Variants in ELAC2 observed in about 807,000 individuals in gnomAD.
The protein encoded by ELAC2 is zinc phosphodiesterase ELAC protein 2.
A neutral mutation model predicts 105.2 loss-of-function variants in ELAC2; 92 were observed. The observed-to-expected ratio is 0.87, with a 90% CI of 0.74 to 1.04. The LOEUF is 1.04. Among genes scored for constraint, ELAC2 ranks in the 50% least tolerant of loss-of-function variants. ELAC2 has a pLI of 0.00. For synonymous variants in ELAC2, 468 were observed against 409.1 expected, an observed-to-expected ratio of 1.14 and a Z score of -1.74; for missense variants, 1,099 against 1,071.7, an observed-to-expected ratio of 1.03 and a Z score of -0.36.
intron 12 of ELAC2, 172 bp downstream of exon 12, chr17:13,003,307 G>T (rs140183606): frequency 2.2e-5 from 15 of 681,910 alleles, no homozygotes; most frequent in Middle Eastern, 3.9e-4. Context: ...TTTTCTTCAC[G>T]AGTGTAGCAC....
chr17:13,008,058 G>A (rs1233347999), intron 8 of ELAC2, among the ~76,000 whole-genome samples: 9 of 151,764 alleles, frequency 5.9e-5, no homozygotes, highest in East Asian at 3.9e-4. Context: ...AAAATTAGCC[G>A]GGCATGGTGG....
intron 14 of ELAC2, among the ~76,000 whole-genome samples, chr17:13,001,163 G>A (rs1242293286): frequency 1.3e-5 from 2 of 152,148 alleles, no homozygotes; most frequent in Non-Finnish European, 2.9e-5. Context: ...AAATACTGTG[G>A]AGTGGGCAGG....
Position 13,018,004 on chromosome 17 carries a change from G to C in ELAC2, c.-57C>G. The C allele has an allele frequency of 6.5e-7, 1 of 1,533,482 alleles. No homozygotes were observed. The allele number at this position is 1,533,482 out of a possible 1,614,324, so 95.0% of individuals were successfully genotyped here. A position where few individuals can be genotyped will look rare whatever the true frequency, so the allele number is the denominator to read the frequency against. Reference sequence around the variant, plus strand: ...CCGGTCACCTACGCCCGCGTTTCCCGTGCACCACCTAGCCGCTCCGCATGG... The same window carrying C: ...CCGGTCACCTACGCCCGCGTTTCCCCTGCACCACCTAGCCGCTCCGCATGG... On this transcript the variant is annotated 5_prime_UTR_variant, in exon 1 of 24. Transcript: ENST00000338034.
At chr17:13,005,189 T>C (rs2041036542) in intron 10 of ELAC2, 88 bp from the exon 11 acceptor site, 1 of 901,324 alleles carries the variant, frequency 1.1e-6, no homozygotes, top group African/African-American at 1.6e-5. Flanking sequence ...ACATGACATA[T>C]CCTATCCAGT....
chr17:13,017,535 T>A (rs990292245), intron 1 of ELAC2, 168 bp downstream of exon 1: 33 of 1,315,632 alleles, frequency 2.5e-5, no homozygotes, highest in Non-Finnish European at 3.3e-5. Flanking sequence ...AGAAATCACA[T>A]GGATGCAAAG....
chr17:13,012,599 G>A (rs1054132319), intron 6 of ELAC2, among the ~76,000 whole-genome samples: 10 of 152,140 alleles, frequency 6.6e-5, no homozygotes, highest in Non-Finnish European at 1.2e-4. Context: ...TGGGTGCTCT[G>A]GTCTGTCACC....
chr17:13,017,918 G>C lies in ELAC2; in HGVS notation c.30C>G (p.Ser10=), dbSNP rs1461029143. 1 of 1,540,110 alleles carries C rather than the reference G, an allele frequency of 6.5e-7. No individual in the cohort carries two copies. Among genetic ancestry groups the C allele is most frequent in the Admixed American group, 2.0e-5 (1 of 51,006 alleles). The part of the protein sequence containing the change: MWALCSLLR[S]AAGRTMSQGR... ...CCTGCGACATGGTGCGTCCGGCCGC[G>C]GACCGCAGCAGCGAGCAAAGCGCCC... is the stretch of plus-strand genomic sequence containing the variant. Residue 10 remains serine, a synonymous_variant, in exon 1 of 24, where the codon TCC becomes TCG. Coordinates refer to ENST00000338034, the MANE Select transcript of ELAC2 (RefSeq NM_018127.7).
Position 12,992,809 on chromosome 17 carries a change from C to T in ELAC2, c.*9G>A, listed in dbSNP as rs761933183. ...ACACAGCCTTCTGAGTTCAGGGTCTCCCAGATCTTCACTGGGCTCTGACCT... is the reference window on the plus strand; with the variant it reads ...ACACAGCCTTCTGAGTTCAGGGTCTTCCAGATCTTCACTGGGCTCTGACCT... On this transcript the variant is annotated 3_prime_UTR_variant, in exon 24 of 24. Coordinates refer to ENST00000338034, the MANE Select transcript of ELAC2 (RefSeq NM_018127.7). The T allele has an allele frequency of 1.2e-6, 2 of 1,613,972 alleles. No individual in the cohort carries two copies.
chr17:13,016,845 G>A lies in ELAC2; in HGVS notation c.367+17C>T. ...AGACTTCCCACCAGCCTCTGACACT[G>A]CAAAGAATATACTCACCACTTAAGC... On this transcript the variant is annotated intron_variant, in intron 3 of 23. Transcript: ENST00000338034. 6.2e-7 allele frequency: 1 copy of A among 1,613,236 alleles called. No individual in the cohort carries two copies. The highest frequency in any genetic ancestry group is 8.5e-7 in the Non-Finnish European group (1 of 1,179,610).
chr17:12,994,646 G>A, intron 21 of ELAC2, 118 bp downstream of exon 21: 2 of 1,598,370 alleles, frequency 1.3e-6, no homozygotes, highest in Non-Finnish European at 1.7e-6. Flanking sequence ...AGACTCTGAG[G>A]GTGGGGACCT....
At chr17:13,016,783 A>C (rs2041754178) in intron 3 of ELAC2, 79 bp downstream of exon 3, 11 of 1,291,828 alleles carry the variant, frequency 8.5e-6, no homozygotes, top group African/African-American at 6.0e-5. Context: ...TGCCCACCCC[A>C]GACTTGGAAA....
intron 17 of ELAC2, 159 bp downstream of exon 17, chr17:12,996,388 A>G: frequency 2.0e-6 from 2 of 989,936 alleles, no homozygotes; most frequent in East Asian, 5.1e-5. Context: ...GCGCAGAAGG[A>G]CTATGTTGAG....
intron 1 of ELAC2, chr17:13,017,424 C>T (rs1241488177): frequency 1.5e-6 from 1 of 651,848 alleles, no homozygotes; most frequent in Non-Finnish European, 2.6e-6. Flanking sequence ...TTGGGGTGCA[C>T]GGAAGAGGGT....
chr17:13,003,819 C>T (rs887059744), intron 11 of ELAC2: 13 of 533,934 alleles, frequency 2.4e-5, no homozygotes, highest in Non-Finnish European at 4.1e-5. Flanking sequence ...GTAGGCCTGG[C>T]TGATCCTTTC....
rs137932375 is a variant in ELAC2 at position 13,014,795 on chromosome 17, T to A, written c.433-299A>T. 2.1e-3 allele frequency among the ~76,000 whole-genome samples: 313 copies of A among 152,166 alleles called. 2 individuals carry two copies. The highest frequency in any genetic ancestry group is 6.8e-3 in the Middle Eastern group (2 of 294). The stretch of plus-strand genomic sequence containing the variant: ...AGTGCTCTGCAAGGAAAATGAAAAA[T>A]ACAGAAGGCTGGGATCCAACTTGTC... On this transcript the variant is annotated intron_variant, in intron 4 of 23. Transcript: ENST00000338034.
Position 13,018,020 on chromosome 17 carries a change from C to T in ELAC2, c.-73G>A, listed in dbSNP as rs916427458. 1.4e-5 allele frequency: 21 copies of T among 1,530,622 alleles called. No homozygotes were observed. In the African/African-American group the frequency reaches 1.6e-4, roughly 12 times the overall value. The allele number at this position is 1,530,622 out of a possible 1,614,324, so 94.8% of individuals were successfully genotyped here. The stretch of plus-strand genomic sequence containing the variant: ...GCGTTTCCCGTGCACCACCTAGCCG[C>T]TCCGCATGGCGGATCCAGCCAATCA... On this transcript the variant is annotated 5_prime_UTR_variant, in exon 1 of 24. Transcript: ENST00000338034.
At chr17:12,996,942 C>CAA (rs57024446) in intron 16 of ELAC2, among the ~76,000 whole-genome samples, 6 of 126,620 alleles carry the variant, frequency 4.7e-5, no homozygotes, top group South Asian at 2.5e-4. Context: ...GGCTGGGCAT[C>CAA]AAAAAAAAAA....
intron 14 of ELAC2, chr17:13,000,634 C>G: frequency 2.9e-6 from 1 of 348,484 alleles, no homozygotes; most frequent in Non-Finnish European, 5.6e-6. Context: ...TGCCAAATGT[C>G]CTCTGAGGGG....
chr17:13,002,157 GT>G, intron 14 of ELAC2, 116 bp downstream of exon 14: 1 of 1,105,886 alleles, frequency 9.0e-7, no homozygotes, highest in Non-Finnish European at 1.3e-6. Flanking sequence ...GAGTTGAATA[GT>G]TACAACAGAG....
Sources: gnomAD v4.1 joint callset for allele counts (sites outside exome capture counted in the v4.1 genomes callset) on GRCh38, gnomAD v4.1.1 for gene constraint, MANE v1.5 for transcripts, NCBI Gene and HGNC (gene_info 2026-07-23, HGNC 2026-07-21) for gene names.